The following TXNRD1 variants were observed in gnomAD, a reference collection of about 807,000 sequenced individuals.
TXNRD1 encodes the protein thioredoxin reductase 1, cytoplasmic.
Under a neutral mutation model 80.3 loss-of-function variants are expected in TXNRD1, and 57 were observed. The observed-to-expected ratio is 0.71, with a 90% CI of 0.57 to 0.89. TXNRD1 has a LOEUF of 0.89. Ranked by LOEUF, TXNRD1 falls within the 40% of genes least tolerant of loss-of-function variation. The pLI is 0.00. For synonymous variants in TXNRD1, 291 were observed against 285.2 expected, an observed-to-expected ratio of 1.02 and a Z score of -0.20; for missense variants, 730 against 803.0, an observed-to-expected ratio of 0.91 and a Z score of 1.10.
chr12:104,328,061 AGGCAGGAGAATTGCTTGAAC>A (rs986408689), intron 13 of TXNRD1, among the ~76,000 whole-genome samples: 1 of 151,756 alleles, frequency 6.6e-6, no homozygotes, highest in Non-Finnish European at 1.5e-5. Context: ...CAGGAGGCTG[AGGCAGGAGAATTGCTTGAAC>A]GGGGAACTGG....
At chr12:104,287,165 C>G in intron 3 of TXNRD1, 1 of 1,565,660 alleles carries the variant, frequency 6.4e-7, no homozygotes, top group East Asian at 2.3e-5. Flanking sequence ...GATGGGAGCA[C>G]GCGGGGGACG....
intron 3 of TXNRD1, among the ~76,000 whole-genome samples, chr12:104,278,952 C>T (rs2033821245): frequency 6.6e-6 from 1 of 152,166 alleles, no homozygotes; most frequent in Non-Finnish European, 1.5e-5. Flanking sequence ...CAGATTTAAT[C>T]TCTCAACAAT....
chr12:104,244,880 A>C (rs527388232), intron 1 of TXNRD1, among the ~76,000 whole-genome samples: 5 of 152,234 alleles, frequency 3.3e-5, no homozygotes, highest in Non-Finnish European at 5.9e-5. Context: ...TTTGCAGCTT[A>C]GGCTTGGGAG....
At chr12:104,274,228 A>G (rs2135728092) in intron 3 of TXNRD1, among the ~76,000 whole-genome samples, 1 of 152,300 alleles carries the variant, frequency 6.6e-6, no homozygotes, top group African/African-American at 2.4e-5. Flanking sequence ...CTAGAGCATT[A>G]GAAAGATCCA....
intron 1 of TXNRD1, among the ~76,000 whole-genome samples, chr12:104,238,883 G>T (rs1256710706): frequency 6.6e-6 from 1 of 151,660 alleles, no homozygotes; most frequent in Non-Finnish European, 1.5e-5. Context: ...GTCTTGCACT[G>T]TTGCCCAGGC....
intron 1 of TXNRD1, among the ~76,000 whole-genome samples, chr12:104,226,317 G>A (rs2032471809): frequency 6.6e-6 from 1 of 152,220 alleles, no homozygotes; most frequent in East Asian, 1.9e-4. Flanking sequence ...GTCTAGCTTA[G>A]GTTGTAGATG....
Position 104,271,435 on chromosome 12 carries a change from C to T in TXNRD1, c.304+13356C>T, listed in dbSNP as rs544758876. Among the ~76,000 whole-genome samples, 6 of 152,170 alleles carry T rather than the reference C, an allele frequency of 3.9e-5. No homozygotes were observed. In the East Asian group the frequency reaches 1.2e-3, roughly 29 times the overall value. ...CTCGTGATCTGCCCGCCTTAGCCTCCCAAAGTGCTGGGATTACAGGCATGA... is the reference window on the plus strand; with the variant it reads ...CTCGTGATCTGCCCGCCTTAGCCTCTCAAAGTGCTGGGATTACAGGCATGA... On this transcript the variant is annotated intron_variant, in intron 3 of 16. Coordinates refer to ENST00000525566, the MANE Select transcript of TXNRD1 (RefSeq NM_001093771.3).
intron 4 of TXNRD1, 133 bp from the exon 5 acceptor site, chr12:104,311,157 A>G (rs780920511): frequency 2.0e-6 from 2 of 1,010,522 alleles, no homozygotes; most frequent in Non-Finnish European, 2.8e-6. Context: ...TTCCATCTGT[A>G]TGCTGTAATT....
chr12:104,237,344 A>G (rs970426599), intron 1 of TXNRD1, among the ~76,000 whole-genome samples: 3 of 152,046 alleles, frequency 2.0e-5, no homozygotes, highest in African/African-American at 7.2e-5. Context: ...AAGAGATGAG[A>G]CTCCCTTGAG....
At chr12:104,283,355 G>A (rs1382799743) in intron 3 of TXNRD1, among the ~76,000 whole-genome samples, 3 of 151,896 alleles carry the variant, frequency 2.0e-5, no homozygotes, top group African/African-American at 7.2e-5. Flanking sequence ...GGGTTCAAGC[G>A]ATTCTCCTGC....
rs574373658 is a variant in TXNRD1 at position 104,329,674 on chromosome 12, A to T, written c.1543-1860A>T. ...AAAAAAAAAAATAAATAAATAAAAT[A>T]AATTCATGGATCTTTTTGTTTCTGT... On this transcript the variant is annotated intron_variant, in intron 13 of 16. Transcript: ENST00000525566. Among the ~76,000 whole-genome samples the T allele has an allele frequency of 6.6e-5, 10 of 152,238 alleles. 1 individual carries two copies. Among genetic ancestry groups the T allele is most frequent in the African/African-American group, 2.4e-4 (10 of 41,546 alleles).
rs1237257253 is a variant in TXNRD1 at position 104,327,636 on chromosome 12, C to A, written c.1507C>A (p.Leu503Met). 6.2e-7 allele frequency: 1 copy of A among 1,613,566 alleles called. No homozygotes were observed. Among genetic ancestry groups the A allele is most frequent in the Non-Finnish European group, 8.5e-7 (1 of 1,179,792 alleles). Residue 503 changes from leucine (L) to methionine (M), a missense_variant, in exon 13 of 17, where the codon CTG (leucine) becomes ATG (methionine). Leu to Met is a conservative substitution (Grantham distance 15). Coordinates refer to ENST00000525566, the MANE Select transcript of TXNRD1 (RefSeq NM_001093771.3). Reference sequence around the variant, plus strand: ...AGTTGCAATCCAGGCAGGAAGATTGCTGGCTCAGAGGCTCTATGCAGGTTC... The same window carrying A: ...AGTTGCAATCCAGGCAGGAAGATTGATGGCTCAGAGGCTCTATGCAGGTTC... ...TPVAIQAGRL[L>M]AQRLYAGSTV...
chr12:104,324,353 GTTT>G (rs199989955), intron 10 of TXNRD1, among the ~76,000 whole-genome samples: 1 of 120,110 alleles, frequency 8.3e-6, no homozygotes. Context: ...GGTGGGTTTC[GTTT>G]TTTTTTTTTT....
At chr12:104,272,530 C>T (rs973591486) in intron 3 of TXNRD1, among the ~76,000 whole-genome samples, 4 of 152,174 alleles carry the variant, frequency 2.6e-5, no homozygotes, top group Admixed American at 6.6e-5. Context: ...CGCTGTGGCT[C>T]ACGCCTGCAA....
intron 15 of TXNRD1, among the ~76,000 whole-genome samples, chr12:104,337,780 A>G (rs972048316): frequency 6.6e-6 from 1 of 151,694 alleles, no homozygotes; most frequent in Admixed American, 6.6e-5. Context: ...TTACTTTTAA[A>G]ATTTTATTTG....
At chr12:104,273,507 C>T (rs930526551) in intron 3 of TXNRD1, among the ~76,000 whole-genome samples, 2 of 151,420 alleles carry the variant, frequency 1.3e-5, no homozygotes, top group African/African-American at 2.4e-5. Context: ...GCAGGAGAAT[C>T]GCTTGAACCC....
At chr12:104,331,447 C>T in intron 13 of TXNRD1, 87 bp from the exon 14 acceptor site, 2 of 766,064 alleles carry the variant, frequency 2.6e-6, no homozygotes, top group East Asian at 2.7e-5. Context: ...ACTCTTATAT[C>T]CTTTGTCAAT....
intron 3 of TXNRD1, among the ~76,000 whole-genome samples, chr12:104,260,105 G>A (rs954387252): frequency 1.3e-5 from 2 of 152,096 alleles, no homozygotes; most frequent in Non-Finnish European, 2.9e-5. Flanking sequence ...AGGTGGAGGT[G>A]GGAGGATTGC....
At chr12:104,311,499 T>G in intron 5 of TXNRD1, 87 bp downstream of exon 5, 1 of 1,498,356 alleles carries the variant, frequency 6.7e-7, no homozygotes. Flanking sequence ...CCTCTCTCTG[T>G]GGAATTTATT....
Sources: gnomAD v4.1 joint callset for allele counts (sites outside exome capture counted in the v4.1 genomes callset) on GRCh38, gnomAD v4.1.1 for gene constraint, MANE v1.5 for transcripts, NCBI Gene and HGNC (gene_info 2026-07-23, HGNC 2026-07-21) for gene names.